The following TMEM163 variants were observed in gnomAD, a reference collection of about 807,000 sequenced individuals.
TMEM163 encodes the protein transmembrane protein 163.
A neutral mutation model predicts 29.3 loss-of-function variants in TMEM163; 17 were observed. The ratio of observed to expected loss-of-function variants is 0.58; its 90% CI spans 0.40 to 0.87. The LOEUF (loss-of-function observed/expected upper bound fraction) is 0.87. Among genes scored for constraint, TMEM163 ranks in the 40% least tolerant of loss-of-function variants. The pLI, the probability that TMEM163 is intolerant of heterozygous loss-of-function variation, is 0.00. For missense variants in TMEM163, 303 were observed against 381.5 expected, an observed-to-expected ratio of 0.79 and a Z score of 1.71; for synonymous variants, 157 against 160.6, an observed-to-expected ratio of 0.98 and a Z score of 0.17.
At chr2:134,707,532 C>T (rs1684840632) in intron 2 of TMEM163, among the ~76,000 whole-genome samples, 1 of 152,108 alleles carries the variant, frequency 6.6e-6, no homozygotes, top group African/African-American at 2.4e-5. Context: ...AGGATCATTC[C>T]ACATGCAGAA....
At chr2:134,480,562 C>T (rs1350249134) in intron 5 of TMEM163, among the ~76,000 whole-genome samples, 2 of 152,170 alleles carry the variant, frequency 1.3e-5, no homozygotes, top group Admixed American at 1.3e-4. Flanking sequence ...AGACATAGAA[C>T]ATTCCCATGA....
intron 4 of TMEM163, among the ~76,000 whole-genome samples, chr2:134,504,341 G>C (rs1296124207): frequency 1.3e-5 from 2 of 152,108 alleles, no homozygotes; most frequent in Non-Finnish European, 2.9e-5. Flanking sequence ...AAAAAGAACA[G>C]AGATGGAAGG....
intron 4 of TMEM163, among the ~76,000 whole-genome samples, chr2:134,516,756 TAG>T (rs1420505957): frequency 1.1e-4 from 12 of 106,592 alleles, no homozygotes; most frequent in Admixed American, 4.9e-4. Flanking sequence ...TATATATGAA[TAG>T]ATATATATGT....
intron 4 of TMEM163, among the ~76,000 whole-genome samples, chr2:134,539,273 G>A (rs1028297183): frequency 5.9e-5 from 9 of 152,196 alleles, no homozygotes; most frequent in Non-Finnish European, 1.2e-4. Context: ...AGCTCAAAGG[G>A]TGCAACTACT....
At chr2:134,556,783 C>T (rs916406979) in intron 2 of TMEM163, among the ~76,000 whole-genome samples, 7 of 152,242 alleles carry the variant, frequency 4.6e-5, no homozygotes, top group Admixed American at 2.0e-4. Context: ...ATCACACCAC[C>T]GTAAGCCAGC....
At chr2:134,645,781 G>C (rs543318652) in intron 2 of TMEM163, among the ~76,000 whole-genome samples, 29 of 152,232 alleles carry the variant, frequency 1.9e-4, no homozygotes, top group Middle Eastern at 6.8e-3. Context: ...ATAGTGGCAA[G>C]AACAGATCAG....
chr2:134,593,446 C>A (rs1248000490), intron 2 of TMEM163, among the ~76,000 whole-genome samples: 3 of 152,174 alleles, frequency 2.0e-5, no homozygotes, highest in Admixed American at 2.0e-4. Flanking sequence ...CTGCCATTAA[C>A]ATGCGCCAGG....
At chr2:134,618,952 C>T (rs1026085014) in intron 2 of TMEM163, among the ~76,000 whole-genome samples, 7 of 151,942 alleles carry the variant, frequency 4.6e-5, no homozygotes, top group Non-Finnish European at 8.8e-5. Flanking sequence ...CCAAAGTAAA[C>T]AGGATGGAAT....
chr2:134,569,361 G>A (rs1298879250), intron 2 of TMEM163, among the ~76,000 whole-genome samples: 2 of 152,046 alleles, frequency 1.3e-5, no homozygotes, highest in Non-Finnish European at 2.9e-5. Flanking sequence ...GACCACAGTG[G>A]GCCCCTCATC....
intron 2 of TMEM163, among the ~76,000 whole-genome samples, chr2:134,696,783 T>C (rs1684591017): frequency 6.6e-6 from 1 of 152,156 alleles, no homozygotes; most frequent in South Asian, 2.1e-4. Context: ...ATCTGCAGAA[T>C]CCCTTGGCTT....
At chr2:134,708,782 G>T (rs1684869410) in intron 2 of TMEM163, among the ~76,000 whole-genome samples, 1 of 151,732 alleles carries the variant, frequency 6.6e-6, no homozygotes, top group African/African-American at 2.4e-5. Flanking sequence ...TAGAGACAGG[G>T]TTTCACCATA....
At chr2:134,491,376 C>G (rs1679426973) in intron 5 of TMEM163, among the ~76,000 whole-genome samples, 1 of 152,100 alleles carries the variant, frequency 6.6e-6, no homozygotes, top group African/African-American at 2.4e-5. Flanking sequence ...GGGAGTTCAC[C>G]CCATTCAGGA....
At chr2:134,490,724 C>T (rs1254019097) in intron 5 of TMEM163, among the ~76,000 whole-genome samples, 1 of 152,172 alleles carries the variant, frequency 6.6e-6, no homozygotes, top group Non-Finnish European at 1.5e-5. Context: ...GACCACATGG[C>T]TCCTATGATA....
intron 2 of TMEM163, among the ~76,000 whole-genome samples, chr2:134,606,615 G>A (rs1273356612): frequency 6.6e-6 from 1 of 152,196 alleles, no homozygotes; most frequent in Non-Finnish European, 1.5e-5. Flanking sequence ...GACAGGGGCT[G>A]TGCCTCCTGT....
chr2:134,663,301 T>G (rs1683798668), intron 2 of TMEM163, among the ~76,000 whole-genome samples: 1 of 152,218 alleles, frequency 6.6e-6, no homozygotes, highest in Non-Finnish European at 1.5e-5. Flanking sequence ...TGTCCTAATA[T>G]TTCAAGGCCT....
intron 2 of TMEM163, among the ~76,000 whole-genome samples, chr2:134,595,250 C>T (rs1049339923): frequency 1.3e-5 from 2 of 152,046 alleles, no homozygotes; most frequent in Non-Finnish European, 2.9e-5. Context: ...TCTCCTAATG[C>T]TATCCCTCCC....
intron 5 of TMEM163, among the ~76,000 whole-genome samples, chr2:134,493,981 A>T (rs1050745825): frequency 1.3e-5 from 2 of 152,144 alleles, no homozygotes; most frequent in Non-Finnish European, 2.9e-5. Flanking sequence ...GTACGTCCTT[A>T]GGAGTACAAA....
chr2:134,626,841 G>T (rs922403882), intron 2 of TMEM163, among the ~76,000 whole-genome samples: 1 of 152,138 alleles, frequency 6.6e-6, no homozygotes, highest in Non-Finnish European at 1.5e-5. Flanking sequence ...CATTAATAAT[G>T]CTGAAATAGA....
intron 2 of TMEM163, among the ~76,000 whole-genome samples, chr2:134,712,816 G>A (rs1320308086): frequency 6.6e-6 from 1 of 151,996 alleles, no homozygotes. Context: ...GAGAGGGCTC[G>A]CTGCAATATT....
Sources: allele counts gnomAD v4.1 joint callset (sites outside exome capture counted in the v4.1 genomes callset), GRCh38; gene constraint gnomAD v4.1.1; transcripts MANE v1.5; gene names NCBI Gene and HGNC (gene_info 2026-07-23, HGNC 2026-07-21).